Variants in MFN1 observed in about 807,000 individuals in gnomAD.
MFN1 encodes the protein mitofusin-1.
Under a neutral mutation model 92.4 loss-of-function variants are expected in MFN1, and 65 were observed. The observed-to-expected ratio is 0.70, with a 90% CI of 0.58 to 0.86. The LOEUF is 0.86. Ranked by LOEUF, MFN1 falls within the 40% of genes least tolerant of loss-of-function variation. The pLI is 0.00. For missense variants in MFN1, 781 were observed against 868.0 expected, an observed-to-expected ratio of 0.90 and a Z score of 1.26; for synonymous variants, 297 against 300.9, an observed-to-expected ratio of 0.99 and a Z score of 0.13.
chr3:179,388,240 G>A (rs953008960), intron 16 of MFN1, among the ~76,000 whole-genome samples: 1 of 152,158 alleles, frequency 6.6e-6, no homozygotes, highest in Non-Finnish European at 1.5e-5. Context: ...AGGTAGCCTG[G>A]CCAAGCAGTC....
chr3:179,362,269 T>G, intron 4 of MFN1, 89 bp from the exon 5 acceptor site: 1 of 1,299,998 alleles, frequency 7.7e-7, no homozygotes, highest in Non-Finnish European at 1.0e-6. Flanking sequence ...TATACCTGTT[T>G]TGCTAAAATA....
intron 5 of MFN1, among the ~76,000 whole-genome samples, chr3:179,363,579 C>T (rs1712667868): frequency 6.6e-6 from 1 of 151,710 alleles, no homozygotes; most frequent in African/African-American, 2.4e-5. Context: ...GCAAACTCCG[C>T]TTCCCAGTCT....
intron 9 of MFN1, among the ~76,000 whole-genome samples, chr3:179,372,229 G>C (rs1359561644): frequency 6.6e-6 from 1 of 150,802 alleles, no homozygotes. Context: ...TAGATGAAAG[G>C]TCTATTTCTT....
intron 3 of MFN1, among the ~76,000 whole-genome samples, chr3:179,357,153 A>G (rs1396787721): frequency 3.9e-5 from 6 of 152,302 alleles, no homozygotes; most frequent in Admixed American, 3.3e-4. Flanking sequence ...ATCTTAAGCT[A>G]TCCTTAAAAG....
intron 3 of MFN1, among the ~76,000 whole-genome samples, chr3:179,354,541 T>C (rs964327935): frequency 6.6e-6 from 1 of 152,206 alleles, no homozygotes; most frequent in African/African-American, 2.4e-5. Context: ...GCCCCACTCC[T>C]AACCCCAAGA....
At chr3:179,359,654 G>C (rs1389757186) in intron 4 of MFN1, 1 of 134,596 alleles carries the variant, frequency 7.4e-6, no homozygotes, top group Non-Finnish European at 1.5e-5. Flanking sequence ...TGGCCAGGCT[G>C]GTCTTGAACT....
At chr3:179,378,175 G>T (rs1044219086) in intron 12 of MFN1, 166 bp from the exon 13 acceptor site, 1 of 605,368 alleles carries the variant, frequency 1.7e-6, no homozygotes, top group African/African-American at 2.0e-5. Flanking sequence ...AGTGAGTCAA[G>T]ATCAAAGCAC....
intron 14 of MFN1, 104 bp downstream of exon 14, chr3:179,378,918 T>C: frequency 2.3e-6 from 2 of 857,142 alleles, no homozygotes; most frequent in Non-Finnish European, 3.6e-6. Flanking sequence ...ATTTAAAAGC[T>C]AGTATCTATC....
intron 16 of MFN1, among the ~76,000 whole-genome samples, chr3:179,389,661 A>C (rs1713826083): frequency 6.6e-6 from 1 of 152,156 alleles, no homozygotes; most frequent in African/African-American, 2.4e-5. Flanking sequence ...CTATGTCACA[A>C]AAGTGCATGG....
At chr3:179,351,394 A>C (rs1712140877) in intron 2 of MFN1, among the ~76,000 whole-genome samples, 1 of 152,198 alleles carries the variant, frequency 6.6e-6, no homozygotes, top group Non-Finnish European at 1.5e-5. Context: ...TCTTTGTGTT[A>C]AGTGAGCTGT....
At chr3:179,354,937 C>T (rs1189494626) in intron 3 of MFN1, among the ~76,000 whole-genome samples, 1 of 152,086 alleles carries the variant, frequency 6.6e-6, no homozygotes, top group East Asian at 1.9e-4. Flanking sequence ...GCTGGGATTA[C>T]AGGAGTGCAC....
At chr3:179,360,884 C>T (rs757333632) in intron 4 of MFN1, among the ~76,000 whole-genome samples, 16 of 152,160 alleles carry the variant, frequency 1.1e-4, no homozygotes, top group Non-Finnish European at 1.0e-4. Context: ...CAGTGGCTCA[C>T]GCTTGCAATC....
intron 9 of MFN1, among the ~76,000 whole-genome samples, chr3:179,372,749 T>C (rs1050640283): frequency 2.0e-5 from 3 of 152,186 alleles, no homozygotes; most frequent in Non-Finnish European, 4.4e-5. Context: ...TCTACAAATT[T>C]GGATCTTCAT....
At chr3:179,389,924 C>A (rs1713837757) in intron 16 of MFN1, 80 bp from the exon 17 acceptor site, 15 of 1,349,466 alleles carry the variant, frequency 1.1e-5, no homozygotes, top group Non-Finnish European at 1.5e-5. Context: ...AACTTGTGTT[C>A]TTCTTTTTAT....
chr3:179,353,579 G>A (rs1418600326), intron 3 of MFN1, among the ~76,000 whole-genome samples: 1 of 151,980 alleles, frequency 6.6e-6, no homozygotes, highest in Non-Finnish European at 1.5e-5. Flanking sequence ...GGGAGAAAAA[G>A]GCAGTGATCA....
rs1713927602 is a variant in MFN1, at chr3:179,392,148, A to G, written c.*89A>G. ...TTATTTTTATGAAATTACTTTAAAT[A>G]TGAATTGTACTAACTGTACCTAAAT... On this transcript the variant is annotated 3_prime_UTR_variant, in exon 18 of 18. Transcript: ENST00000471841. The G allele has an allele frequency of 2.3e-6, 2 of 855,602 alleles. No homozygotes were observed. Among genetic ancestry groups the G allele is most frequent in the Non-Finnish European group, 3.8e-6 (2 of 526,322 alleles). 53.0% of individuals were successfully genotyped at this position (855,602 alleles called of 1,614,324 possible).
Position 179,352,432 on chromosome 3 carries a change from G to GGCTCTTGTCT in MFN1, c.248+397_248+398insGCTCTTGTCT, listed in dbSNP as rs544094256. Among the ~76,000 whole-genome samples the GGCTCTTGTCT allele has an allele frequency of 2.7e-4, 41 of 152,326 alleles. No homozygotes were observed. The South Asian group carries it at 8.5e-3, about 32-fold the overall frequency. On this transcript the variant is annotated intron_variant, in intron 3 of 17. Transcript: ENST00000471841. The stretch of plus-strand genomic sequence containing the variant: ...TAGAAGGAAAGAGGCTCTTGTCTGA[G>GGCTCTTGTCT]ATAACTATTTCCAAGGACTTTCTAG...
chr3:179,364,779 C>G (rs1712719812), intron 6 of MFN1, among the ~76,000 whole-genome samples: 1 of 152,158 alleles, frequency 6.6e-6, no homozygotes. Context: ...TCAGCTATTT[C>G]CAGCTTCACC....
chr3:179,363,825 A>G (rs1168105000), intron 5 of MFN1, among the ~76,000 whole-genome samples: 1 of 152,222 alleles, frequency 6.6e-6, no homozygotes, highest in African/African-American at 2.4e-5. Context: ...GCTTGTATCA[A>G]AATACTTCAT....
Sources: allele counts gnomAD v4.1 joint callset (sites outside exome capture counted in the v4.1 genomes callset), GRCh38; gene constraint gnomAD v4.1.1; transcripts MANE v1.5; gene names NCBI Gene and HGNC (gene_info 2026-07-23, HGNC 2026-07-21).